PIP4K2A: variants seen among roughly 807,000 people sequenced by gnomAD.
The protein encoded by PIP4K2A is phosphatidylinositol 5-phosphate 4-kinase type-2 alpha.
Under a neutral mutation model 42.9 loss-of-function variants are expected in PIP4K2A, and 14 were observed. That is an observed-to-expected ratio of 0.33 (90% confidence interval 0.22 to 0.51). The LOEUF is 0.51. PIP4K2A is among the 20% of genes least tolerant of loss of function. The pLI, the probability that PIP4K2A is intolerant of heterozygous loss-of-function variation, is 0.97. For synonymous variants in PIP4K2A, 192 were observed against 192.2 expected, an observed-to-expected ratio of 1.00 and a Z score of 0.01; for missense variants, 434 against 519.8, an observed-to-expected ratio of 0.83 and a Z score of 1.61.
At chr10:22,567,467 G>C (rs529146241) in intron 6 of PIP4K2A, 1 of 418,004 alleles carries the variant, frequency 2.4e-6, no homozygotes, top group African/African-American at 2.0e-5. Context: ...ATGTATTCAG[G>C]GTCACATTCG....
intron 1 of PIP4K2A, among the ~76,000 whole-genome samples, chr10:22,626,406 A>G (rs1838438479): frequency 6.6e-6 from 1 of 152,244 alleles, no homozygotes; most frequent in Non-Finnish European, 1.5e-5. Flanking sequence ...AGACAACTCA[A>G]GTTTTGTCTA....
chr10:22,641,814 C>T (rs1241266482), intron 1 of PIP4K2A, among the ~76,000 whole-genome samples: 1 of 151,934 alleles, frequency 6.6e-6, no homozygotes, highest in Non-Finnish European at 1.5e-5. Context: ...CTTCCCTGAA[C>T]CCCAGATCTA....
At chr10:22,600,095 T>C (rs1837721731) in intron 3 of PIP4K2A, among the ~76,000 whole-genome samples, 1 of 152,212 alleles carries the variant, frequency 6.6e-6, no homozygotes, top group African/African-American at 2.4e-5. Flanking sequence ...CTCATAAAAG[T>C]GTCCTCATTT....
At chr10:22,698,788 T>C (rs1447713256) in intron 1 of PIP4K2A, among the ~76,000 whole-genome samples, 1 of 152,236 alleles carries the variant, frequency 6.6e-6, no homozygotes, top group South Asian at 2.1e-4. Context: ...ACATTAACAC[T>C]GGTTGCTTGA....
In PIP4K2A at chr10:22,536,714, C is replaced by CCAA. The variant is rs1835929542; in HGVS notation, c.*486_*487insTTG. ...AATACTGTCTCACATCTTTCAACTC[C>CCAA]AAAAAAAAAAAAAAAAAAAAAAAAC... On this transcript the variant is annotated 3_prime_UTR_variant, in exon 10 of 10. Coordinates refer to ENST00000376573, the MANE Select transcript of PIP4K2A (RefSeq NM_005028.5). 2 of 53,976 alleles carry CCAA rather than the reference C, an allele frequency of 3.7e-5. No individual in the cohort carries two copies. The highest frequency in any genetic ancestry group is 1.3e-3 in the South Asian group (1 of 768). 3.3% of individuals were successfully genotyped at this position (53,976 alleles called of 1,614,324 possible).
Position 22,644,137 on chromosome 10 carries a change from C to A in PIP4K2A, c.145-34420G>T, listed in dbSNP as rs1838834474. Among the ~76,000 whole-genome samples, 7 of 152,288 alleles carry A rather than the reference C, an allele frequency of 4.6e-5. No individual in the cohort carries two copies. The South Asian group carries it at 1.5e-3, about 32-fold the overall frequency. ...GGCCTGCAACCAGCTCCTGCTCACC[C>A]CTCCCTCTCTCAGCCAGTGGGACCT... On this transcript the variant is annotated intron_variant, in intron 1 of 9. Coordinates refer to ENST00000376573, the MANE Select transcript of PIP4K2A (RefSeq NM_005028.5).
chr10:22,670,274 G>C (rs544234936), intron 1 of PIP4K2A, among the ~76,000 whole-genome samples: 1 of 152,268 alleles, frequency 6.6e-6, no homozygotes, highest in East Asian at 1.9e-4. Context: ...ACCTACTTGG[G>C]AGGCTGAGGT....
intron 1 of PIP4K2A, among the ~76,000 whole-genome samples, chr10:22,626,648 G>C (rs1313513825): frequency 6.6e-6 from 1 of 152,150 alleles, no homozygotes; most frequent in African/African-American, 2.4e-5. Context: ...CTGAAGTGCA[G>C]AAAATCACTT....
rs11498381 is a variant in PIP4K2A at position 22,664,140 on chromosome 10, T to C, written c.144+50043A>G. On this transcript the variant is annotated intron_variant, in intron 1 of 9. Coordinates refer to ENST00000376573, the MANE Select transcript of PIP4K2A (RefSeq NM_005028.5). Reference sequence around the variant, plus strand: ...ACATATATATATATACATATATATATACATATATATACACATATATATATA... The same window carrying C: ...ACATATATATATATACATATATATACACATATATATACACATATATATATA... Among the ~76,000 whole-genome samples the C allele has an allele frequency of 5.6e-3, 251 of 44,834 alleles. 5 individuals carry two copies. Among genetic ancestry groups the C allele is most frequent in the East Asian group, 0.026 (64 of 2,482 alleles). The allele number at this position is 44,834 out of a possible 152,430, so 29.4% of individuals were successfully genotyped here.
intron 2 of PIP4K2A, among the ~76,000 whole-genome samples, chr10:22,609,261 TG>T (rs1425065238): frequency 1.3e-5 from 2 of 152,226 alleles, no homozygotes; most frequent in Admixed American, 6.5e-5. Context: ...TGTTCTAAGA[TG>T]GAGTCATTGC....
intron 1 of PIP4K2A, among the ~76,000 whole-genome samples, chr10:22,615,687 C>T (rs1838163173): frequency 6.6e-6 from 1 of 152,196 alleles, no homozygotes; most frequent in Non-Finnish European, 1.5e-5. Flanking sequence ...CACATACAGG[C>T]CACCTTTAAG....
At chr10:22,548,148 A>G (rs1259206416) in intron 7 of PIP4K2A, among the ~76,000 whole-genome samples, 3 of 152,260 alleles carry the variant, frequency 2.0e-5, no homozygotes, top group Non-Finnish European at 4.4e-5. Context: ...CTACTTCACC[A>G]TAATTACCTG....
chr10:22,546,850 C>T (rs982540233), intron 7 of PIP4K2A, among the ~76,000 whole-genome samples: 13 of 152,122 alleles, frequency 8.5e-5, no homozygotes, highest in Admixed American at 3.9e-4. Context: ...GGTCTGCTTC[C>T]GGCTCACTGC....
chr10:22,609,422 C>G (rs918683541), intron 2 of PIP4K2A, among the ~76,000 whole-genome samples, 198 bp downstream of exon 2: 2 of 152,176 alleles, frequency 1.3e-5, no homozygotes, highest in African/African-American at 4.8e-5. Context: ...AACAATATGC[C>G]ATATGGCAAA....
At chr10:22,632,853 AT>A (rs1317391705) in intron 1 of PIP4K2A, among the ~76,000 whole-genome samples, 5 of 152,202 alleles carry the variant, frequency 3.3e-5, no homozygotes, top group South Asian at 4.1e-4. Context: ...AAAGAAAAAA[AT>A]ATCTTACTTG....
chr10:22,708,954 T>C (rs1447819276), intron 1 of PIP4K2A, among the ~76,000 whole-genome samples: 2 of 152,118 alleles, frequency 1.3e-5, no homozygotes, highest in Non-Finnish European at 2.9e-5. Flanking sequence ...ATCTATGTTT[T>C]TACATTTTTT....
chr10:22,543,413 C>G (rs540341493), intron 7 of PIP4K2A, among the ~76,000 whole-genome samples: 1 of 152,338 alleles, frequency 6.6e-6, no homozygotes, highest in Non-Finnish European at 1.5e-5. Context: ...ACAAATCTTA[C>G]ACTCAAATAT....
rs1836158550 is a variant in PIP4K2A, at chr10:22,542,876, T to TC, written c.793-830dup. On this transcript the variant is annotated intron_variant, in intron 7 of 9. Coordinates refer to ENST00000376573, the MANE Select transcript of PIP4K2A (RefSeq NM_005028.5). ...CATCTGCGGGCTGGACCCAACTGGCTCCCTGACCCCGTGGCTGGCTGGCTC... is the reference window on the plus strand; with the variant it reads ...CATCTGCGGGCTGGACCCAACTGGCTCCCCTGACCCCGTGGCTGGCTGGCTC... 2.6e-5 allele frequency among the ~76,000 whole-genome samples: 4 copies of TC among 152,214 alleles called. No individual in the cohort carries two copies. The South Asian group carries it at 8.3e-4, about 32-fold the overall frequency.
chr10:22,589,565 T>C (rs1837465993), intron 4 of PIP4K2A, among the ~76,000 whole-genome samples: 1 of 152,240 alleles, frequency 6.6e-6, no homozygotes, highest in African/African-American at 2.4e-5. Context: ...TCAAAGATTT[T>C]TATAGACTTC....
Sources: allele counts gnomAD v4.1 joint callset (sites outside exome capture counted in the v4.1 genomes callset), GRCh38; gene constraint gnomAD v4.1.1; transcripts MANE v1.5; gene names NCBI Gene and HGNC (gene_info 2026-07-23, HGNC 2026-07-21).